ACAP2: variants seen among roughly 807,000 people sequenced by gnomAD.
ACAP2 encodes ArfGAP with coiled-coil, ankyrin repeat and PH domains 2.
A neutral mutation model predicts 115.8 loss-of-function variants in ACAP2; 39 were observed. The observed-to-expected ratio is 0.34, with a 90% CI of 0.26 to 0.44. The LOEUF is 0.44. Ranked by LOEUF, ACAP2 falls within the 20% of genes least tolerant of loss-of-function variation. The pLI is 1.00. For missense variants in ACAP2, 662 were observed against 927.6 expected, an observed-to-expected ratio of 0.71 and a Z score of 3.72; for synonymous variants, 289 against 315.8, an observed-to-expected ratio of 0.92 and a Z score of 0.90.
At chr3:195,395,852 GAAA>G (rs1319181574) in intron 1 of ACAP2, among the ~76,000 whole-genome samples, 1 of 152,276 alleles carries the variant, frequency 6.6e-6, no homozygotes, top group African/African-American at 2.4e-5. Flanking sequence ...CCAGAATTCA[GAAA>G]AACAGATACT....
intron 13 of ACAP2, among the ~76,000 whole-genome samples, chr3:195,302,893 T>G (rs1161599798): frequency 1.3e-5 from 2 of 152,240 alleles, no homozygotes; most frequent in South Asian, 4.2e-4. Flanking sequence ...AAGATCAGCC[T>G]GGGCAACAGA....
intron 4 of ACAP2, among the ~76,000 whole-genome samples, chr3:195,347,024 T>A (rs1731230415): frequency 6.6e-6 from 1 of 152,112 alleles, no homozygotes. Flanking sequence ...GGAACTGTTG[T>A]GCATCTTGAT....
At chr3:195,281,659 T>C (rs983596399) in intron 22 of ACAP2, among the ~76,000 whole-genome samples, 8 of 152,148 alleles carry the variant, frequency 5.3e-5, no homozygotes, top group Non-Finnish European at 1.0e-4. Context: ...GGTTGATACG[T>C]TGGAACAGCT....
At chr3:195,412,547 G>A (rs144127104) in intron 1 of ACAP2, among the ~76,000 whole-genome samples, 104 of 152,228 alleles carry the variant, frequency 6.8e-4, no homozygotes, top group African/African-American at 2.4e-3. Context: ...GGGAGGCGGA[G>A]GTTGCAATGA....
At chr3:195,318,905 A>C (rs1205908595) in intron 10 of ACAP2, among the ~76,000 whole-genome samples, 3 of 152,230 alleles carry the variant, frequency 2.0e-5, no homozygotes, top group Non-Finnish European at 2.9e-5. Context: ...AGGGCATGTA[A>C]GAAATCTTTG....
At chr3:195,395,612 A>G (rs1215562739) in intron 1 of ACAP2, among the ~76,000 whole-genome samples, 2 of 152,254 alleles carry the variant, frequency 1.3e-5, no homozygotes, top group South Asian at 4.1e-4. Flanking sequence ...CGTAGTCTCT[A>G]TGGCAGCTTC....
At chr3:195,286,930 G>A (rs1726881816) in intron 21 of ACAP2, among the ~76,000 whole-genome samples, 1 of 152,176 alleles carries the variant, frequency 6.6e-6, no homozygotes, top group Admixed American at 6.5e-5. Flanking sequence ...TTCTTCTACT[G>A]TAAATCTGTA....
At chr3:195,364,334 A>G (rs1180056690) in intron 4 of ACAP2, among the ~76,000 whole-genome samples, 4 of 152,242 alleles carry the variant, frequency 2.6e-5, no homozygotes, top group African/African-American at 4.8e-5. Context: ...CAGGCATATG[A>G]AAAGGCACCC....
chr3:195,358,928 AAAGCAGC>A (rs1177601437), intron 4 of ACAP2, among the ~76,000 whole-genome samples: 1 of 152,212 alleles, frequency 6.6e-6, no homozygotes, highest in African/African-American at 2.4e-5. Flanking sequence ...AAGGATTCTA[AAAGCAGC>A]ACAAGAAAAG....
chr3:195,306,429 C>T, intron 13 of ACAP2, 82 bp downstream of exon 13: 7 of 687,434 alleles, frequency 1.0e-5, no homozygotes, highest in Non-Finnish European at 1.4e-5. Flanking sequence ...ACAAACGATG[C>T]TACATACAGT....
chr3:195,436,823 G>C (rs1715578978), intron 1 of ACAP2, among the ~76,000 whole-genome samples: 1 of 152,042 alleles, frequency 6.6e-6, no homozygotes, highest in Non-Finnish European at 1.5e-5. Flanking sequence ...TTTTTTTAAA[G>C]GTGTTAGAAC....
At chr3:195,424,261 G>GTATATATATATATA (rs1277754660) in intron 1 of ACAP2, among the ~76,000 whole-genome samples, 10 of 54,652 alleles carry the variant, frequency 1.8e-4, no homozygotes, top group Non-Finnish European at 3.4e-4. Context: ...GTGTGTGTGT[G>GTATATATATATATA]TATATATATA....
At chr3:195,400,590 G>A (rs1712202650) in intron 1 of ACAP2, among the ~76,000 whole-genome samples, 1 of 151,716 alleles carries the variant, frequency 6.6e-6, no homozygotes, top group African/African-American at 2.4e-5. Context: ...ATTGTAGTAG[G>A]CTTCAACATG....
intron 1 of ACAP2, among the ~76,000 whole-genome samples, chr3:195,425,274 A>ACAATGTTACAAT: frequency 6.6e-6 from 1 of 152,168 alleles, no homozygotes; most frequent in African/African-American, 2.4e-5. Flanking sequence ...GGACTGACTT[A>ACAATGTTACAAT]GTTACTACAT....
chr3:195,441,469 A>C (rs554172185), intron 1 of ACAP2, among the ~76,000 whole-genome samples: 1 of 152,352 alleles, frequency 6.6e-6, no homozygotes, highest in South Asian at 2.1e-4. Context: ...ATTAATACCC[A>C]AAAATCATCA....
At chr3:195,376,569 A>AT (rs1407541562) in intron 4 of ACAP2, among the ~76,000 whole-genome samples, 1 of 152,138 alleles carries the variant, frequency 6.6e-6, no homozygotes, top group Non-Finnish European at 1.5e-5. Context: ...CAACAAAAAC[A>AT]TATGAGTTAA....
At chr3:195,355,601 T>C (rs997394864) in intron 4 of ACAP2, among the ~76,000 whole-genome samples, 1 of 152,188 alleles carries the variant, frequency 6.6e-6, no homozygotes, top group Non-Finnish European at 1.5e-5. Flanking sequence ...CAAAAGTGCA[T>C]AGAATAATAT....
At chr3:195,353,002 A>T (rs1731711809) in intron 4 of ACAP2, among the ~76,000 whole-genome samples, 2 of 151,174 alleles carry the variant, frequency 1.3e-5, no homozygotes, top group Non-Finnish European at 2.9e-5. Flanking sequence ...AATCGCTTCA[A>T]CCTGGGAGGC....
Position 195,342,588 on chromosome 3 carries a change from C to G in ACAP2, c.411G>C (p.Ala137=), listed in dbSNP as rs149035237. The G allele has an allele frequency of 6.2e-7, 1 of 1,611,866 alleles. No individual in the cohort carries two copies. The highest frequency in any genetic ancestry group is 8.5e-7 in the Non-Finnish European group (1 of 1,179,458). Residue 137 remains alanine, a synonymous_variant, in exon 6 of 23, where the codon GCG becomes GCC. Coordinates refer to ENST00000326793, the MANE Select transcript of ACAP2 (RefSeq NM_012287.6). ...TTTGTACTTGGGCATTTTTTACTAACGCATTTTCTTTTTCTTCACTGACTT... is the reference window on the plus strand; with the variant it reads ...TTTGTACTTGGGCATTTTTTACTAAGGCATTTTCTTTTTCTTCACTGACTT... ...FEKVSEEKEN[A]LVKNAQVQRN...
Sources: allele counts gnomAD v4.1 joint callset (sites outside exome capture counted in the v4.1 genomes callset), GRCh38; gene constraint gnomAD v4.1.1; transcripts MANE v1.5; gene names NCBI Gene and HGNC (gene_info 2026-07-23, HGNC 2026-07-21).